Variants in SLC22A17 observed in about 807,000 individuals in gnomAD.
SLC22A17 encodes the protein 24p3 receptor.
A neutral mutation model predicts 53.6 loss-of-function variants in SLC22A17; 38 were observed. The observed-to-expected ratio is 0.71, with a 90% CI of 0.55 to 0.93. The LOEUF is 0.93. Ranked by LOEUF, SLC22A17 falls within the 40% of genes least tolerant of loss-of-function variation. The probability of loss-of-function intolerance (pLI) is 0.00; values close to 1 mark genes in which losing one functional copy is unlikely to be tolerated. For missense variants in SLC22A17, 704 were observed against 791.0 expected (o/e 0.89, Z 1.32); for synonymous variants, 379 against 353.0 (o/e 1.07, Z -0.82).
intron 3 of SLC22A17, 81 bp from the exon 4 acceptor site, chr14:23,349,507 C>A: frequency 6.8e-7 from 1 of 1,471,280 alleles, no homozygotes; most frequent in Admixed American, 2.2e-5. Context: ...CTGCACACTT[C>A]AGAGCTAGAG....
intron 3 of SLC22A17, among the ~76,000 whole-genome samples, chr14:23,350,295 C>G (rs1056647652): frequency 6.6e-6 from 1 of 151,348 alleles, no homozygotes; most frequent in African/African-American, 2.4e-5. Flanking sequence ...CAGAGCGAGA[C>G]TCCATCTCAA....
At chr14:23,346,786 C>T in exon 10 of SLC22A17, 2 of 1,543,052 alleles carry the variant, frequency 1.3e-6, no homozygotes, top group Non-Finnish European at 1.7e-6. Flanking sequence ...TGGTCTCCGG[C>T]AGCAGCATAA....
Position 23,348,323 on chromosome 14 carries a change from AG to A in SLC22A17, c.1026-18del. ...CCAGGCCAGCTGGGGGCAGGGGGGA[AG>A]GGGTATACTGTGAGGCCTCCCTTCT... On this transcript the variant is annotated intron_variant, in intron 5 of 9. Coordinates refer to ENST00000397267, the Ensembl canonical transcript of SLC22A17. This position sits in a 1 kb window ranked among gnomAD's most constrained non-coding sequence, Gnocchi z 4.5. The A allele has an allele frequency of 6.2e-7, 1 of 1,613,524 alleles. No individual in the cohort carries two copies. The highest frequency in any genetic ancestry group is 8.5e-7 in the Non-Finnish European group (1 of 1,179,728).
Position 23,352,259 on chromosome 14 carries a change from G to T in SLC22A17, c.289C>A (p.Gln97Lys). ...ACCGGCAGGCAGCAGAGGCCGAGCTGCAGCTGCTGGCCGCCGCCCAGCGCC... is the reference window on the plus strand; with the variant it reads ...ACCGGCAGGCAGCAGAGGCCGAGCTTCAGCTGCTGGCCGCCGCCCAGCGCC... Residue 97 changes from glutamine to lysine, a missense_variant, in exon 2 of 10, where the codon CAG (glutamine) becomes AAG (lysine). This residue lies in a region of SLC22A17 where 31 missense variants were observed against 62.3 expected (regional missense o/e 0.50). Transcript: ENST00000397267. This position sits in a 1 kb window ranked among gnomAD's most constrained non-coding sequence, Gnocchi z 7.2. 7.0e-7 allele frequency: 1 copy of T among 1,424,588 alleles called. No individual in the cohort carries two copies. Among genetic ancestry groups the T allele is most frequent in the Non-Finnish European group, 9.2e-7 (1 of 1,092,628 alleles). 88.2% of individuals were successfully genotyped at this position (1,424,588 alleles called of 1,614,324 possible).
At chr14:23,346,901 G>T in exon 10 of SLC22A17, 1 of 1,538,264 alleles carries the variant, frequency 6.5e-7, no homozygotes, top group Non-Finnish European at 8.7e-7. Context: ...TCCTCCAAGC[G>T]CCCCTAGAGC....
At chr14:23,351,694 G>C in intron 3 of SLC22A17, 58 bp downstream of exon 3, 1 of 1,506,970 alleles carries the variant, frequency 6.6e-7, no homozygotes, top group South Asian at 1.2e-5. Context: ...CGCTGCTTGG[G>C]TTAGCTTCCC....
chr14:23,351,495 T>G, intron 3 of SLC22A17: 2 of 432,482 alleles, frequency 4.6e-6, no homozygotes, highest in East Asian at 4.2e-5. Flanking sequence ...GATTCACGGA[T>G]AGGGGGCCAC....
exon 10 of SLC22A17, chr14:23,346,322 C>T (rs1457787782): frequency 2.9e-5 from 9 of 313,328 alleles, no homozygotes; most frequent in Non-Finnish European, 4.6e-5. Context: ...ATGATATGCT[C>T]GTTTATTCCA....
Position 23,347,981 on chromosome 14 carries a change from C to T in SLC22A17, c.1187G>A (p.Cys396Tyr). Residue 396 changes from cysteine to tyrosine, a missense_variant, in exon 7 of 10, where the codon TGC (cysteine) becomes TAC (tyrosine). Around this residue, in one of 4 missense-constraint regions of SLC22A17, gnomAD observed 435 missense variants for 529.0 expected, o/e 0.82. Coordinates refer to ENST00000397267, the Ensembl canonical transcript of SLC22A17. The surrounding 1 kb of genome is among the most constrained non-coding windows in gnomAD (Gnocchi z 5.1). ...AAAGGAGGATGTTGCAGGGAGAGGG[C>T]AGGTATTCTCCAGGTCTTTGGGAGA... 6.2e-7 allele frequency: 1 copy of T among 1,614,086 alleles called. No individual in the cohort carries two copies. The highest frequency in any genetic ancestry group is 8.5e-7 in the Non-Finnish European group (1 of 1,179,994).
chr14:23,348,346 T>C lies in SLC22A17; in HGVS notation c.1026-40A>G, dbSNP rs373002135. The C allele has an allele frequency of 2.7e-5, 43 of 1,610,514 alleles. No homozygotes were observed. The highest frequency in any genetic ancestry group is 3.5e-5 in the Non-Finnish European group (41 of 1,177,722). ...GAAGGGGTATACTGTGAGGCCTCCC[T>C]TCTCCTGATCTAGGGGTGGGAAATG... On this transcript the variant is annotated intron_variant, in intron 5 of 9. Transcript: ENST00000397267. The surrounding 1 kb of genome is among the most constrained non-coding windows in gnomAD (Gnocchi z 4.5).
In SLC22A17 at chr14:23,348,208, C is replaced by G; in HGVS notation, c.1124G>C (p.Arg375Pro). ...CTCCCCCAGCATCTGCCCATGGGGC[C>G]GGTTTCGCTCAGCCAGGATCCTCAG... The change falls in exon 6 of 10, where the codon CGG (arginine) becomes CCG (proline). Residue 375 changes from arginine (R) to proline (P), a missense_variant. This residue lies in a region of SLC22A17 where 435 missense variants were observed against 529.0 expected (regional missense o/e 0.82). Coordinates refer to ENST00000397267, the Ensembl canonical transcript of SLC22A17. The surrounding 1 kb of genome is among the most constrained non-coding windows in gnomAD (Gnocchi z 4.5). 1 of 1,614,114 alleles carries G rather than the reference C, an allele frequency of 6.2e-7. No homozygotes were observed. The highest frequency in any genetic ancestry group is 8.5e-7 in the Non-Finnish European group (1 of 1,180,002).
chr14:23,346,361 G>A (rs1889171497), exon 10 of SLC22A17: 2 of 391,408 alleles, frequency 5.1e-6, no homozygotes, highest in African/African-American at 2.1e-5. Flanking sequence ...GAATGATAGA[G>A]CAAGAAATAA....
rs970968157 is a variant in SLC22A17, at chr14:23,352,618, C to T, written c.96+28G>A. 3.2e-5 allele frequency: 13 copies of T among 410,126 alleles called. No homozygotes were observed. Among genetic ancestry groups the T allele is most frequent in the Middle Eastern group, 5.9e-4 (1 of 1,690 alleles). 25.4% of individuals were successfully genotyped at this position (410,126 alleles called of 1,614,324 possible). Reference sequence around the variant, plus strand: ...GGGCGGGGGTGCTGGGAGAGGATGGCGTCGCCACCTGGGGCTCGGGCACTT... The same window carrying T: ...GGGCGGGGGTGCTGGGAGAGGATGGTGTCGCCACCTGGGGCTCGGGCACTT... On this transcript the variant is annotated intron_variant, in intron 1 of 9. Coordinates refer to ENST00000397267, the Ensembl canonical transcript of SLC22A17. This position sits in a 1 kb window ranked among gnomAD's most constrained non-coding sequence, Gnocchi z 7.2.
exon 10 of SLC22A17, chr14:23,346,725 G>T: frequency 1.3e-6 from 2 of 1,545,784 alleles, no homozygotes; most frequent in South Asian, 2.4e-5. Flanking sequence ...AGCAGGGAAG[G>T]CCGGCGACAC....
Position 23,352,065 on chromosome 14 carries a change from A to AG in SLC22A17, c.482_483insC (p.Val162CysfsTer27). ...ACGAGGGGTCGGTACTGGTGGCGAC[A>AG]CGGCTGGCGGCGCTGGCTGCTAGGG... On this transcript the variant is annotated frameshift_variant, in exon 2 of 10. Transcript: ENST00000397267. LOFTEE classifies it high-confidence loss of function. This position sits in a 1 kb window ranked among gnomAD's most constrained non-coding sequence, Gnocchi z 7.2. The AG allele has an allele frequency of 6.2e-7, 1 of 1,602,716 alleles. No individual in the cohort carries two copies. The highest frequency in any genetic ancestry group is 8.5e-7 in the Non-Finnish European group (1 of 1,175,238).
exon 2 of SLC22A17, chr14:23,351,988 T>C: frequency 6.2e-7 from 1 of 1,612,884 alleles, no homozygotes; most frequent in South Asian, 1.1e-5. Context: ...AAGGCCATTA[T>C]AGTCCCAATC....
exon 10 of SLC22A17, chr14:23,346,633 G>T: frequency 1.4e-6 from 2 of 1,466,512 alleles, no homozygotes; most frequent in South Asian, 1.4e-5. Flanking sequence ...TCCCGCCAGG[G>T]TACTCAGAGG....
chr14:23,350,275 G>C (rs1169526342), intron 3 of SLC22A17, among the ~76,000 whole-genome samples: 1 of 152,020 alleles, frequency 6.6e-6, no homozygotes, highest in East Asian at 1.9e-4. Context: ...CTGCACTCCA[G>C]CCTGGGCAAC....
Position 23,352,300 on chromosome 14 carries a change from A to G in SLC22A17, c.248T>C (p.Leu83Pro). ...GCCCAGCGCCCCCACCTGGGCGAGC[A>G]GCGCCTCAAAGCTGAGGGGGCCTGG... Residue 83 changes from leucine to proline, a missense_variant, in exon 2 of 10, where the codon CTG (leucine) becomes CCG (proline). By Grantham distance (98) the Leu-to-Pro change is moderately conservative. Transcript: ENST00000397267. This position sits in a 1 kb window ranked among gnomAD's most constrained non-coding sequence, Gnocchi z 7.2. The G allele has an allele frequency of 7.2e-7, 1 of 1,383,990 alleles. No individual in the cohort carries two copies. Among genetic ancestry groups the G allele is most frequent in the Non-Finnish European group, 9.4e-7 (1 of 1,066,466 alleles). The allele number at this position is 1,383,990 out of a possible 1,614,324, so 85.7% of individuals were successfully genotyped here. A position where few individuals can be genotyped will look rare whatever the true frequency, so the allele number is the denominator to read the frequency against.
Sources: allele counts gnomAD v4.1 joint callset (sites outside exome capture counted in the v4.1 genomes callset), GRCh38; gene constraint gnomAD v4.1.1; regional missense constraint gnomAD v4.1.1; non-coding constraint Gnocchi (gnomAD v3.1); transcripts MANE v1.5; gene names NCBI Gene and HGNC (gene_info 2026-07-23, HGNC 2026-07-21).